Variants in LDAF1 observed in about 807,000 individuals in gnomAD.
LDAF1 encodes the protein PROMETHIN.
Under a neutral mutation model 13.5 loss-of-function variants are expected in LDAF1, and 7 were observed. The ratio of observed to expected loss-of-function variants is 0.52; its 90% CI spans 0.29 to 0.97. LDAF1 has a LOEUF of 0.97. Ranked by LOEUF, LDAF1 falls within the 50% of genes least tolerant of loss-of-function variation. The probability of loss-of-function intolerance (pLI) is 0.07; values close to 1 mark genes in which losing one functional copy is unlikely to be tolerated. For missense variants in LDAF1, 148 were observed against 193.2 expected (o/e 0.77, Z 1.39); for synonymous variants, 69 against 77.1 (o/e 0.89, Z 0.55).
intron 4 of LDAF1, among the ~76,000 whole-genome samples, chr16:21,175,310 T>A (rs2093129388): frequency 6.6e-6 from 1 of 152,186 alleles, no homozygotes; most frequent in Non-Finnish European, 1.5e-5. Flanking sequence ...ATTTAGCCCC[T>A]TTCTATTATA....
intron 4 of LDAF1, 81 bp from the exon 5 acceptor site, chr16:21,179,394 C>A (rs974749208): frequency 1.2e-6 from 2 of 1,610,746 alleles, no homozygotes; most frequent in South Asian, 1.1e-5. Flanking sequence ...AAAAGAACAT[C>A]ATGTATTCAG....
chr16:21,173,717 GA>G (rs1206086658), intron 3 of LDAF1, among the ~76,000 whole-genome samples: 90 of 141,454 alleles, frequency 6.4e-4, no homozygotes, highest in African/African-American at 1.5e-3. Flanking sequence ...TCTCAAAAAA[GA>G]AAAAAAAAAA....
intron 3 of LDAF1, among the ~76,000 whole-genome samples, chr16:21,172,087 C>T (rs572846581): frequency 2.0e-5 from 3 of 150,702 alleles, no homozygotes; most frequent in Non-Finnish European, 4.4e-5. Flanking sequence ...GACTTTGGAT[C>T]TTTTGAGACC....
intron 3 of LDAF1, chr16:21,172,830 A>G (rs1011298750): frequency 6.1e-6 from 6 of 985,330 alleles, no homozygotes; most frequent in Non-Finnish European, 6.0e-6. Flanking sequence ...CAGGCAGCAC[A>G]CCTGTTGATG....
intron 4 of LDAF1, among the ~76,000 whole-genome samples, chr16:21,177,619 C>CTTTTTT (rs1025169859): frequency 4.3e-5 from 5 of 115,876 alleles, no homozygotes; most frequent in African/African-American, 9.8e-5. Context: ...TTAGCGAATT[C>CTTTTTT]TTTTTTTTTT....
At position 21,158,705 on chromosome 16, in the gene LDAF1, CGCCTGCAAACGCGGTGGGG is replaced by C. The variant is rs1008580119; in HGVS notation, c.-137_-119del. ...TTCCTCCTCCTGCCTCTCTTCGCTTCGCCTGCAAACGCGGTGGGGGCTGCTCGGCGGTCAGGAGCAGGTG... is the reference window on the plus strand; with the variant it reads ...TTCCTCCTCCTGCCTCTCTTCGCTTCGCTGCTCGGCGGTCAGGAGCAGGTG... On this transcript the variant is annotated 5_prime_UTR_variant, in exon 1 of 5. Coordinates refer to ENST00000233047, the MANE Select transcript of LDAF1 (RefSeq NM_001301771.2). 2.0e-5 allele frequency: 3 copies of C among 152,868 alleles called. No homozygotes were observed. Among genetic ancestry groups the C allele is most frequent in the African/African-American group, 7.2e-5 (3 of 41,470 alleles). The allele number at this position is 152,868 out of a possible 1,614,324, so 9.5% of individuals were successfully genotyped here.
intron 3 of LDAF1, among the ~76,000 whole-genome samples, chr16:21,171,329 C>G (rs979096084): frequency 1.3e-5 from 2 of 152,218 alleles, no homozygotes; most frequent in Non-Finnish European, 2.9e-5. Context: ...GCCAGTGGGT[C>G]AGGTGATCAC....
chr16:21,174,335 G>A (rs1215742880), intron 4 of LDAF1, among the ~76,000 whole-genome samples, 187 bp downstream of exon 4: 1 of 152,028 alleles, frequency 6.6e-6, no homozygotes, highest in African/African-American at 2.4e-5. Context: ...GGCTACAGGT[G>A]CATGCCATCA....
At chr16:21,172,557 G>C (rs760109834) in intron 3 of LDAF1, among the ~76,000 whole-genome samples, 1 of 152,212 alleles carries the variant, frequency 6.6e-6, no homozygotes, top group Admixed American at 6.5e-5. Context: ...AGCCCAGGCA[G>C]TTGAGGCTGT....
intron 4 of LDAF1, among the ~76,000 whole-genome samples, chr16:21,175,058 G>A (rs1028521151): frequency 6.6e-6 from 1 of 152,218 alleles, no homozygotes; most frequent in Non-Finnish European, 1.5e-5. Flanking sequence ...AGCCAGCTAT[G>A]TTGGCATTAC....
chr16:21,172,846 T>G (rs2093102652), intron 3 of LDAF1: 6 of 985,280 alleles, frequency 6.1e-6, no homozygotes, highest in African/African-American at 1.7e-5. Context: ...TGATGTTCTC[T>G]TCCTTCCAGC....
At chr16:21,174,690 A>C (rs185494693) in intron 4 of LDAF1, among the ~76,000 whole-genome samples, 1 of 152,326 alleles carries the variant, frequency 6.6e-6, no homozygotes, top group Admixed American at 6.5e-5. Context: ...TACACATTTC[A>C]TTGTCATAGC....
intron 1 of LDAF1, chr16:21,159,203 A>G: frequency 1.0e-6 from 1 of 959,080 alleles, no homozygotes; most frequent in Non-Finnish European, 1.7e-6. Flanking sequence ...ATCGCTGCAG[A>G]GAGATCTGCA....
At position 21,176,217 on chromosome 16, in the gene LDAF1, T is replaced by C. The variant is rs559398778; in HGVS notation, c.404+2069T>C. 4.6e-5 allele frequency among the ~76,000 whole-genome samples: 7 copies of C among 152,274 alleles called. 1 individual carries two copies. In the South Asian group the frequency reaches 1.4e-3, roughly 32 times the overall value. On this transcript the variant is annotated intron_variant, in intron 4 of 4. Transcript: ENST00000233047. ...ACTCCCTACTTATCAATGAAGAAAT[T>C]GAAAAACAAATCCAGGATTTGTACT...
At chr16:21,168,377 T>C (rs977026597) in intron 2 of LDAF1, among the ~76,000 whole-genome samples, 1 of 152,004 alleles carries the variant, frequency 6.6e-6, no homozygotes, top group African/African-American at 2.4e-5. Flanking sequence ...GACAAGTGAT[T>C]AGCTTTTAAT....
intron 1 of LDAF1, chr16:21,159,500 C>CCCCGAA: frequency 6.5e-7 from 1 of 1,528,208 alleles, no homozygotes; most frequent in Non-Finnish European, 9.0e-7. Flanking sequence ...AGCCGTTTTC[C>CCCCGAA]CCTGGAGGTT....
intron 2 of LDAF1, among the ~76,000 whole-genome samples, chr16:21,166,414 A>G (rs1015477857): frequency 6.6e-6 from 1 of 152,244 alleles, no homozygotes; most frequent in Non-Finnish European, 1.5e-5. Context: ...AATTTTTCCA[A>G]CAACTGAATC....
At chr16:21,167,011 G>A in intron 2 of LDAF1, 1 of 1,157,958 alleles carries the variant, frequency 8.6e-7, no homozygotes, top group South Asian at 1.4e-5. Flanking sequence ...AGTGAGGTCA[G>A]CGGGCATTAT....
At chr16:21,167,649 G>A (rs1405332149) in intron 2 of LDAF1, among the ~76,000 whole-genome samples, 1 of 147,240 alleles carries the variant, frequency 6.8e-6, no homozygotes, top group Non-Finnish European at 1.5e-5. Context: ...TGATGTGGTG[G>A]CAGCTGTTGC....
Sources: gnomAD v4.1 joint callset for allele counts (sites outside exome capture counted in the v4.1 genomes callset) on GRCh38, gnomAD v4.1.1 for gene constraint, MANE v1.5 for transcripts, NCBI Gene and HGNC (gene_info 2026-07-23, HGNC 2026-07-21) for gene names.